Variants in GNG12 observed in about 807,000 individuals in gnomAD.
GNG12 encodes the protein guanine nucleotide-binding protein G(I)/G(S)/G(O) subunit gamma-12.
For missense variants in GNG12, 69 were observed against 83.8 expected, an observed-to-expected ratio of 0.82 and a Z score of 0.69; for synonymous variants, 28 against 29.7, an observed-to-expected ratio of 0.94 and a Z score of 0.19.
intron 1 of GNG12, among the ~76,000 whole-genome samples, chr1:67,821,838 C>T (rs550704788): frequency 9.9e-5 from 15 of 151,520 alleles, no homozygotes; most frequent in African/African-American, 3.4e-4. Context: ...AATACCGGCA[C>T]ATCTAATCAA....
At chr1:67,743,445 C>A (rs949026784) in intron 2 of GNG12, among the ~76,000 whole-genome samples, 2 of 152,154 alleles carry the variant, frequency 1.3e-5, no homozygotes, top group African/African-American at 4.8e-5. Context: ...CAGCAAATGA[C>A]AGAGAATTTT....
intron 2 of GNG12, among the ~76,000 whole-genome samples, chr1:67,712,685 C>T (rs1359396104): frequency 5.3e-5 from 8 of 151,672 alleles, no homozygotes; most frequent in Admixed American, 5.2e-4. Context: ...AGAGCGAGAC[C>T]CCCATTTAAA....
At chr1:67,756,217 A>C (rs981104913) in intron 2 of GNG12, among the ~76,000 whole-genome samples, 2 of 152,232 alleles carry the variant, frequency 1.3e-5, no homozygotes, top group South Asian at 2.1e-4. Flanking sequence ...AAGGTTTCTC[A>C]GAAGAGTATC....
At chr1:67,821,355 G>A (rs1056507520) in intron 1 of GNG12, among the ~76,000 whole-genome samples, 1 of 152,042 alleles carries the variant, frequency 6.6e-6, no homozygotes, top group African/African-American at 2.4e-5. Flanking sequence ...AAACATCAGA[G>A]AGATCCCAAG....
chr1:67,733,762 G>C (rs575780030), intron 2 of GNG12, among the ~76,000 whole-genome samples: 65 of 152,272 alleles, frequency 4.3e-4, no homozygotes, highest in Non-Finnish European at 6.6e-4. Context: ...GAACACACAG[G>C]GGAGGGGAAA....
chr1:67,721,279 G>A (rs1646354670), intron 2 of GNG12, among the ~76,000 whole-genome samples: 1 of 152,220 alleles, frequency 6.6e-6, no homozygotes, highest in Non-Finnish European at 1.5e-5. Context: ...CATGTGTGAA[G>A]GAAGGAGCCC....
intron 1 of GNG12, among the ~76,000 whole-genome samples, chr1:67,793,158 T>G (rs965691750): frequency 6.6e-6 from 1 of 152,206 alleles, no homozygotes; most frequent in Admixed American, 6.5e-5. Flanking sequence ...TCTGGATCTT[T>G]TATATATAAG....
At chr1:67,764,454 A>G (rs1237260476) in intron 2 of GNG12, among the ~76,000 whole-genome samples, 1 of 152,216 alleles carries the variant, frequency 6.6e-6, no homozygotes, top group Non-Finnish European at 1.5e-5. Flanking sequence ...CCTAGTCAGC[A>G]GAGTCTAAAC....
intron 2 of GNG12, among the ~76,000 whole-genome samples, chr1:67,729,326 T>C (rs1261760453): frequency 1.3e-5 from 2 of 152,328 alleles, no homozygotes; most frequent in East Asian, 3.9e-4. Context: ...TGCCAGGTCC[T>C]GGAACTGAAA....
intron 2 of GNG12, among the ~76,000 whole-genome samples, chr1:67,732,042 G>A (rs1257413242): frequency 1.3e-5 from 2 of 152,178 alleles, no homozygotes; most frequent in Non-Finnish European, 2.9e-5. Flanking sequence ...AGGTGGGAAG[G>A]TGCAAAAGAA....
chr1:67,743,209 G>A (rs1646492120), intron 2 of GNG12, among the ~76,000 whole-genome samples: 1 of 152,128 alleles, frequency 6.6e-6, no homozygotes, highest in African/African-American at 2.4e-5. Flanking sequence ...GGGGCAGCTG[G>A]GTGAGAATGA....
intron 2 of GNG12, among the ~76,000 whole-genome samples, chr1:67,711,858 C>T (rs1484871572): frequency 6.6e-6 from 1 of 152,204 alleles, no homozygotes; most frequent in African/African-American, 2.4e-5. Flanking sequence ...AAGCTGTACA[C>T]TGGGCCACTG....
chr1:67,796,720 G>C (rs1646833414), intron 1 of GNG12, among the ~76,000 whole-genome samples: 1 of 152,166 alleles, frequency 6.6e-6, no homozygotes, highest in South Asian at 2.1e-4. Context: ...CCAATATTTT[G>C]CTAAGGTCAA....
chr1:67,779,458 G>C (rs1259121389), intron 1 of GNG12, among the ~76,000 whole-genome samples: 2 of 152,122 alleles, frequency 1.3e-5, no homozygotes, highest in East Asian at 3.9e-4. Context: ...ACTCTAAAAA[G>C]CCCCTGTGGC....
intron 1 of GNG12, among the ~76,000 whole-genome samples, chr1:67,786,026 T>C (rs1021839327): frequency 2.0e-5 from 3 of 152,102 alleles, no homozygotes; most frequent in African/African-American, 7.2e-5. Context: ...TTCCTAATAC[T>C]AGGAAAATTC....
chr1:67,711,104 A>C (rs181288655), intron 2 of GNG12, among the ~76,000 whole-genome samples: 43 of 152,334 alleles, frequency 2.8e-4, no homozygotes, highest in Non-Finnish European at 1.0e-4. Context: ...CCTCACCCAG[A>C]ATACAAATTA....
At chr1:67,810,496 G>A (rs1646918740) in intron 1 of GNG12, among the ~76,000 whole-genome samples, 1 of 152,214 alleles carries the variant, frequency 6.6e-6, no homozygotes, top group Non-Finnish European at 1.5e-5. Flanking sequence ...AGGAGGCTAT[G>A]CATAGGCACA....
chr1:67,805,316 CAAAA>C (rs1267535678), intron 1 of GNG12, among the ~76,000 whole-genome samples: 1 of 152,220 alleles, frequency 6.6e-6, no homozygotes, highest in Non-Finnish European at 1.5e-5. Flanking sequence ...TACTAAAAGA[CAAAA>C]AACACTGAAG....
rs1570512870 is a variant in GNG12, at chr1:67,751,220, T to C, written c.-27+26238A>G. 2.7e-5 allele frequency among the ~76,000 whole-genome samples: 4 copies of C among 149,638 alleles called. No homozygotes were observed. The South Asian group carries it at 8.5e-4, about 32-fold the overall frequency. On this transcript the variant is annotated intron_variant, in intron 2 of 3. Transcript: ENST00000370982. ...ACACACACACACACACACGTGCATA[T>C]ACACACACGTTTTAAAATGCATTCT... is the stretch of plus-strand genomic sequence containing the variant.
Sources: gnomAD v4.1 joint callset for allele counts (sites outside exome capture counted in the v4.1 genomes callset) on GRCh38, gnomAD v4.1.1 for gene constraint, MANE v1.5 for transcripts, NCBI Gene and HGNC (gene_info 2026-07-23, HGNC 2026-07-21) for gene names.